SKA3: variants seen among roughly 807,000 people sequenced by gnomAD.
The protein encoded by SKA3 is spindle and kinetochore associated complex subunit 3.
A neutral mutation model predicts 44.2 loss-of-function variants in SKA3; 39 were observed. The ratio of observed to expected loss-of-function variants is 0.88; its 90% CI spans 0.68 to 1.15. SKA3 has a LOEUF of 1.15. Ranked by LOEUF, SKA3 falls within the 50% of genes most tolerant of loss-of-function variation. The pLI, the probability that SKA3 is intolerant of heterozygous loss-of-function variation, is 0.00. For synonymous variants in SKA3, 192 were observed against 172.0 expected, an observed-to-expected ratio of 1.12 and a Z score of -0.91; for missense variants, 511 against 485.8, an observed-to-expected ratio of 1.05 and a Z score of -0.49.
intron 2 of SKA3, 35 bp from the exon 3 acceptor site, chr13:21,172,539 C>T (rs1295010088): frequency 2.5e-6 from 3 of 1,213,754 alleles, no homozygotes; most frequent in Non-Finnish European, 3.3e-6. Context: ...TTTAATTTCT[C>T]TAACTTCTGA....
In SKA3 at chr13:21,168,254, T is replaced by C; in HGVS notation, c.477A>G (p.Ser159=). 2 of 1,614,222 alleles carry C rather than the reference T, an allele frequency of 1.2e-6. No homozygotes were observed. Among genetic ancestry groups the C allele is most frequent in the Non-Finnish European group, 1.7e-6 (2 of 1,180,044 alleles). The part of the protein sequence containing the change: ...SEKSPRSPQL[S]DFGLERYIVS... ...CGATGTACCGCTCAAGTCCAAAATC[T>C]GAAAGTTGTGGACTACGTGGAGACT... The change falls in exon 4 of 9, where the codon TCA becomes TCG. Residue 159 remains serine, a synonymous_variant. Coordinates refer to ENST00000314759, the MANE Select transcript of SKA3 (RefSeq NM_145061.6).
Position 21,153,931 on chromosome 13 carries a change from A to G in SKA3, c.*1219T>C, listed in dbSNP as rs1869943710. 1 of 152,188 alleles carries G rather than the reference A, an allele frequency of 6.6e-6. No individual in the cohort carries two copies. The highest frequency in any genetic ancestry group is 1.5e-5 in the Non-Finnish European group (1 of 68,044). The allele number at this position is 152,188 out of a possible 1,614,324, so 9.4% of individuals were successfully genotyped here. A position where few individuals can be genotyped will look rare whatever the true frequency, so the allele number is the denominator to read the frequency against. On this transcript the variant is annotated 3_prime_UTR_variant, in exon 9 of 9. Transcript: ENST00000314759. The stretch of plus-strand genomic sequence containing the variant: ...TAAGTATCTTAACATTTTATTTTAC[A>G]TTATATTTAATAAAAATAATACTTA...
intron 3 of SKA3, 177 bp downstream of exon 3, chr13:21,172,162 T>A: frequency 2.3e-6 from 1 of 427,570 alleles, no homozygotes; most frequent in African/African-American, 2.0e-5. Context: ...ATTACACCCC[T>A]GATTAGCACT....
chr13:21,155,894 A>G (rs1005001912), intron 7 of SKA3, 83 bp from the exon 8 acceptor site: 1 of 724,948 alleles, frequency 1.4e-6, no homozygotes, highest in Admixed American at 2.5e-5. Context: ...AAAATGTTCA[A>G]TAAAAGCTAT....
At chr13:21,167,779 C>CA (rs373781795) in intron 4 of SKA3, among the ~76,000 whole-genome samples, 1,485 of 123,824 alleles carry the variant, frequency 0.012, 7 homozygotes, top group Middle Eastern at 0.032. Context: ...AAAAAAAAAA[C>CA]AAAAAAAAAA....
intron 5 of SKA3, among the ~76,000 whole-genome samples, chr13:21,160,869 G>T (rs1285354384): frequency 6.6e-6 from 1 of 152,114 alleles, no homozygotes; most frequent in Non-Finnish European, 1.5e-5. Flanking sequence ...AATTAAAAAG[G>T]ATGAAGTGCT....
intron 4 of SKA3, among the ~76,000 whole-genome samples, chr13:21,165,452 TAAAG>T (rs143714283): frequency 0.027 from 4,036 of 151,982 alleles, 158 homozygotes; most frequent in African/African-American, 0.091. Flanking sequence ...AATAAATACA[TAAAG>T]AAAGAAATAG....
intron 1 of SKA3, among the ~76,000 whole-genome samples, chr13:21,174,282 A>T (rs1871276104): frequency 6.6e-6 from 1 of 152,222 alleles, no homozygotes; most frequent in Non-Finnish European, 1.5e-5. Flanking sequence ...ATAAAGACAC[A>T]TGCACACTTA....
At chr13:21,159,838 C>A (rs1870332903) in intron 6 of SKA3, 64 bp downstream of exon 6, 4 of 1,064,576 alleles carry the variant, frequency 3.8e-6, no homozygotes, top group Non-Finnish European at 5.1e-6. Flanking sequence ...TTTGAGCCTG[C>A]AAGCAGTAGT....
intron 1 of SKA3, among the ~76,000 whole-genome samples, chr13:21,173,509 G>A (rs1871204216): frequency 6.6e-6 from 1 of 152,078 alleles, no homozygotes; most frequent in Admixed American, 6.6e-5. Flanking sequence ...CACCCGCCTC[G>A]GCCTCTCAAA....
At position 21,154,995 on chromosome 13, in the gene SKA3, A is replaced by C. The variant is rs1678319581; in HGVS notation, c.*155T>G. On this transcript the variant is annotated 3_prime_UTR_variant, in exon 9 of 9. Transcript: ENST00000314759. ...GTTAAACCTTATTGAAACTTCATAAAAAGCATATTATGATGTTAATGTTCA... is the reference window on the plus strand; with the variant it reads ...GTTAAACCTTATTGAAACTTCATAACAAGCATATTATGATGTTAATGTTCA... 8.0e-7 allele frequency: 1 copy of C among 1,247,520 alleles called. No individual in the cohort carries two copies. The highest frequency in any genetic ancestry group is 1.1e-6 in the Non-Finnish European group (1 of 879,408). The allele number at this position is 1,247,520 out of a possible 1,614,324, so 77.3% of individuals were successfully genotyped here.
chr13:21,161,113 T>G (rs1595298808), intron 5 of SKA3, among the ~76,000 whole-genome samples: 4 of 152,160 alleles, frequency 2.6e-5, no homozygotes, highest in African/African-American at 7.2e-5. Context: ...CGAAACCCCA[T>G]CTATACAAAA....
intron 4 of SKA3, among the ~76,000 whole-genome samples, chr13:21,167,335 T>C (rs1342694235): frequency 6.6e-6 from 1 of 152,180 alleles, no homozygotes; most frequent in African/African-American, 2.4e-5. Flanking sequence ...TCCTCTTCTA[T>C]CCCTACAAAT....
chr13:21,158,213 G>T (rs576166645), intron 6 of SKA3, 88 bp from the exon 7 acceptor site: 2 of 721,646 alleles, frequency 2.8e-6, no homozygotes, highest in African/African-American at 3.5e-5. Context: ...CTTCTATTGG[G>T]GTCTCTAATA....
At chr13:21,156,746 CT>C (rs1870140510) in intron 7 of SKA3, among the ~76,000 whole-genome samples, 1 of 152,202 alleles carries the variant, frequency 6.6e-6, no homozygotes, top group Non-Finnish European at 1.5e-5. Context: ...GTCAGGAAGA[CT>C]TCTAGAATGG....
intron 1 of SKA3, 131 bp downstream of exon 1, chr13:21,176,244 C>T: frequency 1.4e-6 from 1 of 705,230 alleles, no homozygotes; most frequent in Non-Finnish European, 2.2e-6. Context: ...CAGCACCCGC[C>T]CTGCGCCTCG....
Position 21,176,483 on chromosome 13 carries a change from G to T in SKA3, c.-6C>A. 6.5e-7 allele frequency: 1 copy of T among 1,526,942 alleles called. No homozygotes were observed. The highest frequency in any genetic ancestry group is 8.8e-7 in the Non-Finnish European group (1 of 1,133,892). The allele number at this position is 1,526,942 out of a possible 1,614,324, so 94.6% of individuals were successfully genotyped here. On this transcript the variant is annotated 5_prime_UTR_variant, in exon 1 of 9. Coordinates refer to ENST00000314759, the MANE Select transcript of SKA3 (RefSeq NM_145061.6). ...AAGCTCCGGATAGGGTCCATGCTGA[G>T]CACAGCGGGGAAGGACTCCAGGCGT...
chr13:21,174,065 C>T (rs1183290453), intron 1 of SKA3, among the ~76,000 whole-genome samples: 47 of 152,216 alleles, frequency 3.1e-4, no homozygotes, highest in Non-Finnish European at 2.9e-5. Context: ...GTTAGAATGG[C>T]AATCATTAAA....
At chr13:21,155,898 A>C in intron 7 of SKA3, 87 bp from the exon 8 acceptor site, 1 of 842,558 alleles carries the variant, frequency 1.2e-6, no homozygotes, top group Non-Finnish European at 2.0e-6. Context: ...TGTTCAATAA[A>C]AGCTATGGGG....
Sources: allele counts gnomAD v4.1 joint callset (sites outside exome capture counted in the v4.1 genomes callset), GRCh38; gene constraint gnomAD v4.1.1; transcripts MANE v1.5; gene names NCBI Gene and HGNC (gene_info 2026-07-23, HGNC 2026-07-21).